TTBK1: variants seen among roughly 807,000 people sequenced by gnomAD.
The protein encoded by TTBK1 is tau-tubulin kinase 1.
TTBK1 carries 34 observed loss-of-function variants against 108.5 expected under a neutral mutation model. The ratio of observed to expected loss-of-function variants is 0.31; its 90% CI spans 0.24 to 0.42. The LOEUF (loss-of-function observed/expected upper bound fraction) is 0.42. TTBK1 is among the 10% of genes least tolerant of loss of function. The probability of loss-of-function intolerance (pLI) is 1.00; values close to 1 mark genes in which losing one functional copy is unlikely to be tolerated. For synonymous variants in TTBK1, 809 were observed against 795.1 expected, an observed-to-expected ratio of 1.02 and a Z score of -0.29; for missense variants, 1,539 against 1,826.0, an observed-to-expected ratio of 0.84 and a Z score of 2.86.
intron 13 of TTBK1, chr6:43,270,531 G>T: frequency 1.0e-6 from 1 of 986,066 alleles, no homozygotes; most frequent in African/African-American, 1.7e-5. Context: ...CTCAGTGATC[G>T]GGGGAGGAGC....
chr6:43,260,124 G>T (rs543371576), intron 12 of TTBK1, among the ~76,000 whole-genome samples: 5 of 152,284 alleles, frequency 3.3e-5, no homozygotes, highest in African/African-American at 1.2e-4. Flanking sequence ...GGAAGAGAGA[G>T]CAGGGCAAGT....
chr6:43,262,723 C>T, intron 12 of TTBK1, 66 bp from the exon 13 acceptor site: 2 of 1,428,050 alleles, frequency 1.4e-6, no homozygotes, highest in African/African-American at 1.4e-5. Context: ...CACCCTGCCG[C>T]TGGCGTGGGG....
chr6:43,284,432 CCT>C (rs1232779406), intron 14 of TTBK1, 120 bp downstream of exon 14: 13 of 1,015,150 alleles, frequency 1.3e-5, no homozygotes, highest in Non-Finnish European at 1.7e-5. Context: ...CTCAGTGACA[CCT>C]CCTGTCCAGC....
Position 43,263,200 on chromosome 6 carries a change from G to C in TTBK1, c.1836G>C (p.Pro612=). 2 of 1,578,724 alleles carry C rather than the reference G, an allele frequency of 1.3e-6. No individual in the cohort carries two copies. The highest frequency in any genetic ancestry group is 1.7e-6 in the Non-Finnish European group (2 of 1,162,230). Residue 612 remains proline (P), a synonymous_variant, in exon 13 of 15, where the codon CCG becomes CCC. Coordinates refer to ENST00000259750, the MANE Select transcript of TTBK1 (RefSeq NM_032538.3). The surrounding 1 kb of genome is among the most constrained non-coding windows in gnomAD (Gnocchi z 4.7). ...CGGAGGAGGACCTGCAGCATTTGCC[G>C]CCCCAGCCCCTGCCACCCCAGCTGA... The part of the protein sequence containing the change: ...ALAEEDLQHL[P]PQPLPPQLSQ...
At position 43,259,833 on chromosome 6, in the gene TTBK1, C is replaced by T; in HGVS notation, c.1424+127C>T. On this transcript the variant is annotated intron_variant, in intron 12 of 14. Coordinates refer to ENST00000259750, the MANE Select transcript of TTBK1 (RefSeq NM_032538.3). This position sits in a 1 kb window ranked among gnomAD's most constrained non-coding sequence, Gnocchi z 6.7. ...CCTGGGAAGTGCTGAGAGGGTTATA[C>T]TTGGGCCTGGGGTCAGACTCAGTTG... 1 of 1,024,502 alleles carries T rather than the reference C, an allele frequency of 9.8e-7. No homozygotes were observed. Among genetic ancestry groups the T allele is most frequent in the Non-Finnish European group, 1.4e-6 (1 of 726,990 alleles). 63.5% of individuals were successfully genotyped at this position (1,024,502 alleles called of 1,614,324 possible). A position where few individuals can be genotyped will look rare whatever the true frequency, so the allele number is the denominator to read the frequency against.
At chr6:43,272,370 G>C (rs1582507915) in intron 13 of TTBK1, 1 of 985,328 alleles carries the variant, frequency 1.0e-6, no homozygotes, top group South Asian at 4.7e-5. Flanking sequence ...TGATGGCACT[G>C]GCTTCAGCCT....
At chr6:43,250,997 A>G (rs938542700) in intron 2 of TTBK1, among the ~76,000 whole-genome samples, 2 of 152,144 alleles carry the variant, frequency 1.3e-5, no homozygotes, top group Non-Finnish European at 2.9e-5. Context: ...TTTAAATTTC[A>G]TCTCTAAGAG....
intron 13 of TTBK1, chr6:43,270,928 C>T (rs552649751): frequency 4.1e-6 from 4 of 985,524 alleles, no homozygotes; most frequent in East Asian, 2.3e-4. Context: ...CCTGTAGGTG[C>T]TCGGTCAGCC....
rs1582512764 is a variant in TTBK1, at chr6:43,276,094, G to C, written c.1987-6633G>C. On this transcript the variant is annotated intron_variant, in intron 13 of 14. Coordinates refer to ENST00000259750, the MANE Select transcript of TTBK1 (RefSeq NM_032538.3). The surrounding 1 kb of genome is among the most constrained non-coding windows in gnomAD (Gnocchi z 5.4). ...GGAGGGATAGGAAGGGGATTAGCGA[G>C]AGGACCCTCGCGGAGGTCCTGAGTC... Among the ~76,000 whole-genome samples the C allele has an allele frequency of 6.6e-6, 1 of 152,086 alleles. No homozygotes were observed. The highest frequency in any genetic ancestry group is 1.5e-5 in the Non-Finnish European group (1 of 68,002).
intron 13 of TTBK1, among the ~76,000 whole-genome samples, chr6:43,281,828 G>A (rs9462884): frequency 0.011 from 1,703 of 152,322 alleles, 28 homozygotes; most frequent in African/African-American, 0.039. Flanking sequence ...CATTGCGGGT[G>A]CCTGGGGATG....
At chr6:43,260,906 C>T (rs915741682) in intron 12 of TTBK1, among the ~76,000 whole-genome samples, 17 of 152,004 alleles carry the variant, frequency 1.1e-4, no homozygotes, top group African/African-American at 2.4e-5. Flanking sequence ...CTGTCTCCAA[C>T]CCTCCGTCTG....
At position 43,270,420 on chromosome 6, in the gene TTBK1, T is replaced by G. The variant is rs982222038; in HGVS notation, c.1986+7070T>G. 3.7e-5 allele frequency: 24 copies of G among 646,772 alleles called. No homozygotes were observed. In the South Asian group the frequency reaches 1.8e-3, roughly 48 times the overall value. 40.1% of individuals were successfully genotyped at this position (646,772 alleles called of 1,614,324 possible). Reference sequence around the variant, plus strand: ...GCCAAGACCCTCCTTGCATGGTGTGTGTGTGTGTGTGTGTGTGTGTGTGTG... The same window carrying G: ...GCCAAGACCCTCCTTGCATGGTGTGGGTGTGTGTGTGTGTGTGTGTGTGTG... On this transcript the variant is annotated intron_variant, in intron 13 of 14. Transcript: ENST00000259750.
At chr6:43,258,405 C>T (rs1193375852) in intron 10 of TTBK1, among the ~76,000 whole-genome samples, 2 of 151,894 alleles carry the variant, frequency 1.3e-5, no homozygotes, top group African/African-American at 2.4e-5. Flanking sequence ...CAGAGGTGGT[C>T]GAGGGAGGAG....
rs3800297 is a variant in TTBK1 at position 43,284,174 on chromosome 6, A to G, written c.3434A>G (p.Lys1145Arg). 360,330 of 1,560,450 alleles carry G rather than the reference A, an allele frequency of 0.23. 45,490 individuals carry two copies. The highest frequency in any genetic ancestry group is 0.5 in the African/African-American group (37,262 of 74,062). The change falls in exon 14 of 15, where the codon AAG becomes AGG. Residue 1145 changes from lysine (K) to arginine (R), a missense_variant. By Grantham distance (26) the Lys-to-Arg change is conservative. Around this residue, in one of 5 missense-constraint regions of TTBK1, gnomAD observed 1,055 missense variants for 1,086.5 expected, o/e 0.97. Transcript: ENST00000259750. Reference sequence around the variant, plus strand: ...GAGCCGGCAGCGGCCTTGCCCAGGAAGAGCGGGAGGGCAGCCGCCACCAGG... The same window carrying G: ...GAGCCGGCAGCGGCCTTGCCCAGGAGGAGCGGGAGGGCAGCCGCCACCAGG... Reference protein sequence around the residue: ...ASEPAAALPRKSGRAAATRSR... With the variant: ...ASEPAAALPRRSGRAAATRSR...
At position 43,271,263 on chromosome 6, in the gene TTBK1, C is replaced by T. The variant is rs571736334; in HGVS notation, c.1986+7913C>T. The T allele has an allele frequency of 1.2e-4, 114 of 985,458 alleles. 1 individual carries two copies. The Middle Eastern group carries it at 3.7e-3, about 32-fold the overall frequency. The allele number at this position is 985,458 out of a possible 1,614,324, so 61.0% of individuals were successfully genotyped here. On this transcript the variant is annotated intron_variant, in intron 13 of 14. Transcript: ENST00000259750. ...GTCTGTATGTTTGCTTGTGTGCATG[C>T]GCGTACACTTGTGCATAAGAGTGTG...
At chr6:43,281,182 T>C (rs2150712689) in intron 13 of TTBK1, among the ~76,000 whole-genome samples, 1 of 152,096 alleles carries the variant, frequency 6.6e-6, no homozygotes, top group African/African-American at 2.4e-5. Context: ...GAGACCAGCC[T>C]GGCCAACACG....
rs150661574 is a variant in TTBK1, at chr6:43,257,874, T to C, written c.924T>C (p.Phe308=). ...KERGIAENEA[F]DWEKAGTDAL... ...GGGGCATTGCCGAGAATGAGGCCTT[T>C]GACTGGGAGAAGGCAGGCACCGATG... Residue 308 remains phenylalanine (F), a synonymous_variant, in exon 10 of 15, where the codon TTT becomes TTC. Transcript: ENST00000259750. The surrounding 1 kb of genome is among the most constrained non-coding windows in gnomAD (Gnocchi z 4.5). The C allele has an allele frequency of 8.5e-4, 1,364 of 1,613,948 alleles. 4 individuals carry two copies. The highest frequency in any genetic ancestry group is 1.4e-3 in the Admixed American group (82 of 60,004).
At chr6:43,255,261 C>A (rs1217799483) in intron 7 of TTBK1, 147 bp downstream of exon 7, 10 of 784,486 alleles carry the variant, frequency 1.3e-5, no homozygotes, top group Non-Finnish European at 2.2e-5. Flanking sequence ...AGGAAGGCCC[C>A]TCTGTGGCAG....
rs748813341 is a variant in TTBK1 at position 43,262,812 on chromosome 6, C to T, written c.1448C>T (p.Ser483Leu). The T allele has an allele frequency of 7.0e-6, 11 of 1,578,238 alleles. No homozygotes were observed. Among genetic ancestry groups the T allele is most frequent in the South Asian group, 1.1e-5 (1 of 87,002 alleles). The change falls in exon 13 of 15, where the codon TCG (serine) becomes TTG (leucine). Residue 483 changes from serine to leucine, a missense_variant. Physicochemically the swap from Ser to Leu is moderately radical, Grantham distance 145 (BLOSUM62 -2). Around this residue, in one of 5 missense-constraint regions of TTBK1, gnomAD observed 277 missense variants for 332.4 expected, o/e 0.83. Coordinates refer to ENST00000259750, the MANE Select transcript of TTBK1 (RefSeq NM_032538.3). The stretch of plus-strand genomic sequence containing the variant: ...AGGTCACGGATGGATCTGCCTGGCT[C>T]GCCCTCGCGCCAGGCCTGCTCCTCT... ...ERRSRMDLPG[S>L]PSRQACSSQP...
Sources: gnomAD v4.1 joint callset for allele counts (sites outside exome capture counted in the v4.1 genomes callset) on GRCh38, gnomAD v4.1.1 for gene constraint, gnomAD v4.1.1 regional missense constraint, Gnocchi (gnomAD v3.1) non-coding constraint, MANE v1.5 for transcripts, NCBI Gene and HGNC (gene_info 2026-07-23, HGNC 2026-07-21) for gene names.